Variants in NBEA observed in about 807,000 individuals in gnomAD.
NBEA encodes the protein neurobeachin, also known as lysosomal-trafficking regulator 2.
A neutral mutation model predicts 343.4 loss-of-function variants in NBEA; 44 were observed. The observed-to-expected ratio is 0.13, with a 90% confidence interval of 0.10 to 0.16. NBEA has a LOEUF of 0.16. Ranked by LOEUF, NBEA falls within the 10% of genes least tolerant of loss-of-function variation. The probability of loss-of-function intolerance (pLI) is 1.00; values close to 1 mark genes in which losing one functional copy is unlikely to be tolerated. For missense variants in NBEA, 2,555 were observed against 3,631.3 expected (o/e 0.70, Z 7.62); for synonymous variants, 1,175 against 1,238.7 (o/e 0.95, Z 1.08).
At chr13:35,134,584 T>C (rs1158741996) in intron 17 of NBEA, among the ~76,000 whole-genome samples, 1 of 152,000 alleles carries the variant, frequency 6.6e-6, no homozygotes, top group Non-Finnish European at 1.5e-5. Context: ...TCTAAAATTT[T>C]CTGTACTTCA....
In NBEA at chr13:35,533,176, A is replaced by G. The variant is rs570542010; in HGVS notation, c.6586-17301A>G. Among the ~76,000 whole-genome samples, 10 of 152,292 alleles carry G rather than the reference A, an allele frequency of 6.6e-5. No individual in the cohort carries two copies. In the East Asian group the frequency reaches 1.7e-3, roughly 26 times the overall value. ...ATTAGCAAACTTTTGGATTTTTACC[A>G]ATCTGATAGATTAAAAATATAGCAT... On this transcript the variant is annotated intron_variant, in intron 41 of 58. Transcript: ENST00000379939.
At position 35,110,932 on chromosome 13, in the gene NBEA, G is replaced by A; in HGVS notation, c.1956G>A (p.Trp652Ter). 6.2e-7 allele frequency: 1 copy of A among 1,611,874 alleles called. No individual in the cohort carries two copies. Among genetic ancestry groups the A allele is most frequent in the Non-Finnish European group, 8.5e-7 (1 of 1,178,406 alleles). ...QLMHTLKYYY[W>*]VINPADSSGI... ...TGCACACCTTAAAATATTACTACTG[G>A]GTTATTAATCCTGCTGACAGTAGTG... The change falls in exon 13 of 59, where the codon TGG becomes TGA. Residue 652 changes from tryptophan (W) to a stop codon, truncating the protein, a stop_gained. Coordinates refer to ENST00000379939, the MANE Select transcript of NBEA (RefSeq NM_001385012.1). LOFTEE classifies it high-confidence loss of function.
chr13:35,432,196 A>G (rs1328601100), intron 38 of NBEA, 73 bp from the exon 39 acceptor site: 31 of 1,328,876 alleles, frequency 2.3e-5, no homozygotes, highest in South Asian at 3.4e-5. Context: ...AATAACTTCA[A>G]TTTTATAGAA....
At chr13:34,992,523 C>A (rs990219540) in intron 1 of NBEA, among the ~76,000 whole-genome samples, 1 of 150,784 alleles carries the variant, frequency 6.6e-6, no homozygotes, top group Non-Finnish European at 1.5e-5. Flanking sequence ...ATTTTGGAAT[C>A]TGTAGTCCCT....
chr13:35,531,717 T>C (rs1364422055), intron 41 of NBEA, among the ~76,000 whole-genome samples: 2 of 152,190 alleles, frequency 1.3e-5, no homozygotes, highest in African/African-American at 4.8e-5. Context: ...TATAATCCAA[T>C]TTTAATTGAG....
chr13:35,184,662 T>C (rs2071561579), intron 30 of NBEA, among the ~76,000 whole-genome samples: 1 of 151,972 alleles, frequency 6.6e-6, no homozygotes, highest in Non-Finnish European at 1.5e-5. Context: ...ATACGGACAT[T>C]ATAGAAGCCA....
chr13:35,062,138 A>G (rs569218631), intron 8 of NBEA, among the ~76,000 whole-genome samples: 3 of 151,784 alleles, frequency 2.0e-5, no homozygotes, highest in Non-Finnish European at 4.4e-5. Flanking sequence ...TGAGGTAGAG[A>G]AAAATTTACT....
intron 1 of NBEA, among the ~76,000 whole-genome samples, chr13:34,977,823 CTT>C (rs35468103): frequency 1.3e-5 from 2 of 150,142 alleles, no homozygotes; most frequent in East Asian, 3.9e-4. Context: ...ATTTAAAGTT[CTT>C]TTTTTTTTGA....
intron 36 of NBEA, among the ~76,000 whole-genome samples, chr13:35,311,282 A>G (rs2152833778): frequency 6.6e-6 from 1 of 151,948 alleles, no homozygotes; most frequent in East Asian, 1.9e-4. Context: ...TCTCAATGAC[A>G]TATCCACAAT....
intron 55 of NBEA, among the ~76,000 whole-genome samples, chr13:35,659,428 T>C (rs1367763904): frequency 1.3e-5 from 2 of 152,266 alleles, no homozygotes; most frequent in Non-Finnish European, 2.9e-5. Flanking sequence ...GTCATTATTA[T>C]ATTGTAATAG....
At chr13:35,327,810 T>C (rs948662775) in intron 36 of NBEA, among the ~76,000 whole-genome samples, 1 of 151,870 alleles carries the variant, frequency 6.6e-6, no homozygotes. Flanking sequence ...TATATATCAA[T>C]GAATATTCCA....
At chr13:35,100,770 G>T (rs116868629) in intron 11 of NBEA, among the ~76,000 whole-genome samples, 1 of 151,756 alleles carries the variant, frequency 6.6e-6, no homozygotes, top group Non-Finnish European at 1.5e-5. Flanking sequence ...CCTAGATTTC[G>T]AATAAGATTA....
chr13:35,251,976 A>T (rs1329142701), intron 34 of NBEA: 1 of 152,678 alleles, frequency 6.5e-6, no homozygotes, highest in Non-Finnish European at 1.5e-5. Flanking sequence ...AAGTAAAATC[A>T]CTCCAGATCT....
Position 35,132,639 on chromosome 13 carries a change from G to A in NBEA, c.2336+9065G>A, listed in dbSNP as rs189967727. The stretch of plus-strand genomic sequence containing the variant: ...CCTAAAACTATTATGCTAAGTGAAA[G>A]AAGCCAGATGCAAAAACTATATACT... On this transcript the variant is annotated intron_variant, in intron 17 of 58. Transcript: ENST00000379939. Among the ~76,000 whole-genome samples the A allele has an allele frequency of 4.1e-3, 618 of 152,294 alleles. 5 individuals are homozygous for A. The highest frequency in any genetic ancestry group is 0.014 in the African/African-American group (584 of 41,564).
At chr13:35,110,184 C>G (rs1280467034) in intron 12 of NBEA, among the ~76,000 whole-genome samples, 1 of 150,140 alleles carries the variant, frequency 6.7e-6, no homozygotes, top group Admixed American at 6.7e-5. Context: ...TTAGGTATAT[C>G]TCCCAATGCT....
At chr13:35,465,145 A>G (rs748773121) in intron 40 of NBEA, among the ~76,000 whole-genome samples, 3 of 152,090 alleles carry the variant, frequency 2.0e-5, no homozygotes, top group African/African-American at 7.2e-5. Context: ...TTTTATATTT[A>G]TAAAGAAAAA....
intron 38 of NBEA, among the ~76,000 whole-genome samples, chr13:35,425,222 C>T (rs2044575356): frequency 6.6e-6 from 1 of 152,052 alleles, no homozygotes; most frequent in African/African-American, 2.4e-5. Flanking sequence ...TTCTCTAGTT[C>T]TTTTAATTGT....
At chr13:35,534,845 T>C (rs976812855) in intron 41 of NBEA, among the ~76,000 whole-genome samples, 26 of 152,220 alleles carry the variant, frequency 1.7e-4, no homozygotes, top group African/African-American at 6.3e-4. Context: ...GAACAAATTA[T>C]GTGTTATGCC....
intron 45 of NBEA, among the ~76,000 whole-genome samples, chr13:35,573,240 CTTTTA>C (rs1202646733): frequency 1.3e-5 from 2 of 152,122 alleles, no homozygotes; most frequent in Non-Finnish European, 2.9e-5. Context: ...TAAATTAATA[CTTTTA>C]TTCATTCACT....
Sources: allele counts gnomAD v4.1 joint callset (sites outside exome capture counted in the v4.1 genomes callset), GRCh38; gene constraint gnomAD v4.1.1; transcripts MANE v1.5; gene names NCBI Gene and HGNC (gene_info 2026-07-23, HGNC 2026-07-21).